LPCAT2: variants seen among roughly 807,000 people sequenced by gnomAD.
LPCAT2 encodes 1-AGP acyltransferase 11.
LPCAT2 carries 58 observed loss-of-function variants against 64.7 expected under a neutral mutation model. That is an observed-to-expected ratio of 0.90 (90% confidence interval 0.73 to 1.12). LPCAT2 has a LOEUF of 1.12. LPCAT2 is among the 50% of genes most tolerant of loss of function. The pLI, the probability that LPCAT2 is intolerant of heterozygous loss-of-function variation, is 0.00. For missense variants in LPCAT2, 579 were observed against 669.8 expected, an observed-to-expected ratio of 0.86 and a Z score of 1.50; for synonymous variants, 252 against 245.3, an observed-to-expected ratio of 1.03 and a Z score of -0.26.
Position 55,545,612 on chromosome 16 carries a change from C to G in LPCAT2, c.853-123C>G, listed in dbSNP as rs571876951. On this transcript the variant is annotated intron_variant, in intron 8 of 13. Coordinates refer to ENST00000262134, the MANE Select transcript of LPCAT2 (RefSeq NM_017839.5). ...GTACAAGCCCAGTGCCCCATTACCT[C>G]ATATAACCTATGTTCTAGAAAGGTA... The G allele has an allele frequency of 5.2e-5, 34 of 656,214 alleles. No individual in the cohort carries two copies. The South Asian group carries it at 6.6e-4, about 13-fold the overall frequency. 40.6% of individuals were successfully genotyped at this position (656,214 alleles called of 1,614,324 possible).
chr16:55,545,896 T>C (rs1963448484), intron 9 of LPCAT2, 79 bp downstream of exon 9: 6 of 1,166,022 alleles, frequency 5.1e-6, no homozygotes, highest in Non-Finnish European at 6.2e-6. Flanking sequence ...TTTTAAGGAT[T>C]TTTTTTTGAC....
intron 1 of LPCAT2, among the ~76,000 whole-genome samples, chr16:55,520,050 C>T (rs1596848874): frequency 1.3e-5 from 2 of 152,098 alleles, no homozygotes; most frequent in Non-Finnish European, 2.9e-5. Context: ...TACCCAAATA[C>T]ATCAATAATT....
rs757732570 is a variant in LPCAT2, at chr16:55,525,612, T to C, written c.276T>C (p.Pro92=). ...CTGCAATTTCAACAGTATGCTGTCC[T>C]GAAAAGCTGACCCACCCAATAACTG... ...PFAAISTVCC[P]EKLTHPITGW... Residue 92 remains proline (P), a synonymous_variant, in exon 2 of 14, where the codon CCT becomes CCC. Transcript: ENST00000262134. 6.2e-7 allele frequency: 1 copy of C among 1,609,942 alleles called. No individual in the cohort carries two copies. The highest frequency in any genetic ancestry group is 8.5e-7 in the Non-Finnish European group (1 of 1,177,904).
At chr16:55,526,602 T>C (rs958092566) in intron 2 of LPCAT2, among the ~76,000 whole-genome samples, 2 of 152,196 alleles carry the variant, frequency 1.3e-5, no homozygotes, top group Admixed American at 6.6e-5. Context: ...ATGCTGGCAA[T>C]GCCCCAGAGA....
In LPCAT2 at chr16:55,581,998, C is replaced by G. The variant is rs551170809; in HGVS notation, c.1451-916C>G. 2.0e-3 allele frequency among the ~76,000 whole-genome samples: 298 copies of G among 152,248 alleles called. 3 individuals are homozygous for G. The South Asian group carries it at 0.022, about 11-fold the overall frequency. On this transcript the variant is annotated intron_variant, in intron 13 of 13. Transcript: ENST00000262134. ...TTATTGATTACAAATCAAGGCTCAG[C>G]TTTTTAAGACTGTATTTTTCTGTAC...
In LPCAT2 at chr16:55,509,262, C is replaced by G. The variant is rs1962886533; in HGVS notation, c.81C>G (p.Pro27=). Residue 27 remains proline, a synonymous_variant, in exon 1 of 14, where the codon CCC becomes CCG. Transcript: ENST00000262134. ...TCGGGAACGTGGGGCTGCGGCCGCC[C>G]ATGGTGCCCCGTCAGGCGTCCTTCT... ...AGVGNVGLRP[P]MVPRQASFFP... The G allele has an allele frequency of 6.6e-7, 1 of 1,506,180 alleles. No individual in the cohort carries two copies. Among genetic ancestry groups the G allele is most frequent in the East Asian group, 2.7e-5 (1 of 37,296 alleles). The allele number at this position is 1,506,180 out of a possible 1,614,324, so 93.3% of individuals were successfully genotyped here.
intron 11 of LPCAT2, among the ~76,000 whole-genome samples, chr16:55,558,563 A>G (rs968201796): frequency 1.3e-5 from 2 of 152,212 alleles, no homozygotes; most frequent in Non-Finnish European, 2.9e-5. Context: ...CATTCATCTT[A>G]ATTTTCTATC....
At chr16:55,564,298 AT>A (rs1374663377) in intron 11 of LPCAT2, among the ~76,000 whole-genome samples, 4 of 151,952 alleles carry the variant, frequency 2.6e-5, no homozygotes, top group Non-Finnish European at 5.9e-5. Flanking sequence ...ATTTAAAGCA[AT>A]CCTTTTCAAA....
At chr16:55,541,265 AT>A (rs376100276) in intron 8 of LPCAT2, 76 of 152,142 alleles carry the variant, frequency 5.0e-4, no homozygotes, top group African/African-American at 1.8e-3. Context: ...TGGGCTTTTC[AT>A]TTCCTTAAAG....
chr16:55,572,175 G>A (rs1405105951), intron 11 of LPCAT2, among the ~76,000 whole-genome samples: 1 of 152,046 alleles, frequency 6.6e-6, no homozygotes, highest in Non-Finnish European at 1.5e-5. Context: ...TGTGACTAGT[G>A]GTAATGTTAA....
At chr16:55,573,833 T>A (rs576528975) in intron 11 of LPCAT2, among the ~76,000 whole-genome samples, 77 of 152,088 alleles carry the variant, frequency 5.1e-4, no homozygotes, top group African/African-American at 1.8e-3. Flanking sequence ...ACTTTCTACC[T>A]TATCTCTCTC....
At chr16:55,567,572 T>C in intron 11 of LPCAT2, 1 of 1,484,214 alleles carries the variant, frequency 6.7e-7, no homozygotes. Context: ...CTGTACACAG[T>C]TGCTGATACC....
chr16:55,558,759 C>G (rs1963603955), intron 11 of LPCAT2, among the ~76,000 whole-genome samples: 1 of 152,138 alleles, frequency 6.6e-6, no homozygotes, highest in Non-Finnish European at 1.5e-5. Flanking sequence ...ATGACTATGT[C>G]CCAATAAAAC....
intron 11 of LPCAT2, among the ~76,000 whole-genome samples, chr16:55,567,987 C>T (rs1963726177): frequency 6.6e-6 from 1 of 151,958 alleles, no homozygotes; most frequent in Non-Finnish European, 1.5e-5. Context: ...CTGGTTTTCC[C>T]ATTATGTAAA....
intron 11 of LPCAT2, among the ~76,000 whole-genome samples, chr16:55,560,510 C>A (rs1345764134): frequency 6.6e-6 from 1 of 151,994 alleles, no homozygotes; most frequent in Admixed American, 6.6e-5. Flanking sequence ...AGTTGTAGAA[C>A]CAGACCCAGA....
intron 11 of LPCAT2, among the ~76,000 whole-genome samples, chr16:55,564,799 A>G (rs187267717): frequency 1.3e-5 from 2 of 152,150 alleles, no homozygotes; most frequent in East Asian, 3.9e-4. Flanking sequence ...TTTCTTGAAT[A>G]TTACGCCAAA....
At chr16:55,543,155 G>T (rs1267840614) in intron 8 of LPCAT2, among the ~76,000 whole-genome samples, 1 of 152,130 alleles carries the variant, frequency 6.6e-6, no homozygotes, top group Non-Finnish European at 1.5e-5. Flanking sequence ...AATTTCCATT[G>T]AATTGCTTCT....
intron 1 of LPCAT2, among the ~76,000 whole-genome samples, chr16:55,524,852 T>G (rs1481708850): frequency 3.9e-5 from 6 of 152,056 alleles, no homozygotes; most frequent in Non-Finnish European, 8.8e-5. Context: ...TCCTTTCTGG[T>G]ATGTAAAACT....
intron 13 of LPCAT2, among the ~76,000 whole-genome samples, chr16:55,580,915 G>A (rs149646483): frequency 1.3e-5 from 2 of 152,316 alleles, no homozygotes; most frequent in South Asian, 2.1e-4. Flanking sequence ...GATGATCTGA[G>A]GTTGAACAGT....
Sources: allele counts gnomAD v4.1 joint callset (sites outside exome capture counted in the v4.1 genomes callset), GRCh38; gene constraint gnomAD v4.1.1; transcripts MANE v1.5; gene names NCBI Gene and HGNC (gene_info 2026-07-23, HGNC 2026-07-21).